Variants in FAM13A observed in about 807,000 individuals in gnomAD.
FAM13A encodes the protein family with sequence similarity 13 member A, also known as protein FAM13A.
FAM13A carries 76 observed loss-of-function variants against 129.6 expected under a neutral mutation model. That is an observed-to-expected ratio of 0.59 (90% CI 0.49 to 0.71). FAM13A has a LOEUF of 0.71. Ranked by LOEUF, FAM13A falls within the 30% of genes least tolerant of loss-of-function variation. The pLI, the probability that FAM13A is intolerant of heterozygous loss-of-function variation, is 0.00. For missense variants in FAM13A, 1,108 were observed against 1,249.3 expected (o/e 0.89, Z 1.70); for synonymous variants, 443 against 449.9 (o/e 0.98, Z 0.20).
At chr4:88,796,992 TAAGAA>T (rs1490815209) in intron 8 of FAM13A, among the ~76,000 whole-genome samples, 2 of 152,050 alleles carry the variant, frequency 1.3e-5, no homozygotes, top group Non-Finnish European at 2.9e-5. Context: ...CCTAATAAAA[TAAGAA>T]AATAGACAAA....
At chr4:88,995,659 T>C (rs900205267) in intron 3 of FAM13A, among the ~76,000 whole-genome samples, 2 of 152,016 alleles carry the variant, frequency 1.3e-5, no homozygotes, top group Non-Finnish European at 2.9e-5. Flanking sequence ...ACTTTTGAGG[T>C]TTTGGGACTC....
intron 19 of FAM13A, among the ~76,000 whole-genome samples, chr4:88,743,380 G>A (rs189263538): frequency 2.0e-5 from 3 of 152,292 alleles, no homozygotes; most frequent in Admixed American, 2.0e-4. Context: ...TTTAGTTGCT[G>A]TTACCTGACA....
chr4:88,871,059 C>T (rs1430656736), intron 6 of FAM13A, among the ~76,000 whole-genome samples: 2 of 152,222 alleles, frequency 1.3e-5, no homozygotes, highest in Non-Finnish European at 2.9e-5. Flanking sequence ...AGGGACCTGA[C>T]TGTTAGAAGG....
intron 5 of FAM13A, among the ~76,000 whole-genome samples, chr4:88,930,758 TG>T (rs1561368253): frequency 6.6e-6 from 1 of 152,070 alleles, no homozygotes; most frequent in African/African-American, 2.4e-5. Context: ...TGAAGTGGTA[TG>T]GGTGATGGCA....
At chr4:88,941,724 G>T (rs752880690) in intron 4 of FAM13A, among the ~76,000 whole-genome samples, 1 of 152,130 alleles carries the variant, frequency 6.6e-6, no homozygotes, top group Non-Finnish European at 1.5e-5. Context: ...TGAGAATCCT[G>T]TGTAAGTTCC....
chr4:88,793,048 G>A (rs558187493), intron 8 of FAM13A, among the ~76,000 whole-genome samples: 10 of 152,106 alleles, frequency 6.6e-5, no homozygotes, highest in African/African-American at 2.4e-4. Flanking sequence ...TCTTGGGAAG[G>A]GGAAGCTGAG....
intron 18 of FAM13A, 140 bp from the exon 19 acceptor site, chr4:88,747,155 A>G: frequency 1.6e-6 from 1 of 626,246 alleles, no homozygotes; most frequent in Non-Finnish European, 2.8e-6. Context: ...AAGTTCATTT[A>G]AAAATGGGTT....
At chr4:88,998,933 T>C (rs970025106) in intron 3 of FAM13A, among the ~76,000 whole-genome samples, 2 of 152,194 alleles carry the variant, frequency 1.3e-5, no homozygotes, top group African/African-American at 2.4e-5. Context: ...AGGCCTCACG[T>C]AAATTTCTCA....
intron 8 of FAM13A, among the ~76,000 whole-genome samples, chr4:88,796,465 T>G (rs1035733515): frequency 6.6e-6 from 1 of 151,784 alleles, no homozygotes; most frequent in Non-Finnish European, 1.5e-5. Context: ...GGTGCTCATT[T>G]ATTTGAAATC....
chr4:88,926,518 A>G (rs925402598), intron 5 of FAM13A, among the ~76,000 whole-genome samples: 5 of 152,202 alleles, frequency 3.3e-5, no homozygotes, highest in Admixed American at 3.3e-4. Context: ...CGTCTTCATA[A>G]GCAAAAGCAA....
At chr4:88,750,057 G>A (rs1742242675) in intron 15 of FAM13A, 148 bp from the exon 16 acceptor site, 1 of 739,686 alleles carries the variant, frequency 1.4e-6, no homozygotes, top group Non-Finnish European at 2.2e-6. Context: ...TTGAATAAAA[G>A]ACACTTGAGT....
chr4:88,822,370 T>TA (rs1732158010), intron 7 of FAM13A, among the ~76,000 whole-genome samples: 1 of 152,188 alleles, frequency 6.6e-6, no homozygotes, highest in Non-Finnish European at 1.5e-5. Flanking sequence ...CCACAATCTA[T>TA]ATTATAATCA....
At chr4:88,870,324 C>T (rs1224197843) in intron 6 of FAM13A, among the ~76,000 whole-genome samples, 3 of 152,184 alleles carry the variant, frequency 2.0e-5, no homozygotes, top group African/African-American at 7.2e-5. Context: ...TGAAGCAGGG[C>T]AGGGCATCGC....
intron 8 of FAM13A, among the ~76,000 whole-genome samples, chr4:88,804,414 A>C (rs2149741967): frequency 6.6e-6 from 1 of 152,332 alleles, no homozygotes; most frequent in East Asian, 1.9e-4. Flanking sequence ...TGCAATAAGG[A>C]AGACTTGATT....
At chr4:88,751,520 T>G (rs1378014800) in intron 14 of FAM13A, among the ~76,000 whole-genome samples, 1 of 152,096 alleles carries the variant, frequency 6.6e-6, no homozygotes, top group Non-Finnish European at 1.5e-5. Flanking sequence ...AAGACTCCAG[T>G]TAGAGTGAGA....
chr4:88,910,555 C>T (rs1748929312), intron 5 of FAM13A, among the ~76,000 whole-genome samples: 2 of 151,998 alleles, frequency 1.3e-5, no homozygotes, highest in Non-Finnish European at 2.9e-5. Flanking sequence ...TAATCACTAC[C>T]TCCCTCCTCT....
At chr4:88,874,474 C>T (rs1172337367) in intron 6 of FAM13A, among the ~76,000 whole-genome samples, 3 of 152,002 alleles carry the variant, frequency 2.0e-5, no homozygotes, top group African/African-American at 7.2e-5. Flanking sequence ...GCAAAAATCA[C>T]AAGCATTCCT....
At chr4:88,777,568 C>A (rs898527979) in intron 11 of FAM13A, among the ~76,000 whole-genome samples, 1 of 152,166 alleles carries the variant, frequency 6.6e-6, no homozygotes, top group Non-Finnish European at 1.5e-5. Context: ...TCTGAATTAT[C>A]TGTAGTTTCT....
At chr4:89,005,302 T>G (rs1764853742) in intron 3 of FAM13A, among the ~76,000 whole-genome samples, 1 of 152,244 alleles carries the variant, frequency 6.6e-6, no homozygotes, top group African/African-American at 2.4e-5. Flanking sequence ...ATATTTTCTT[T>G]ATCCAATCTG....
Sources: gnomAD v4.1 joint callset for allele counts (sites outside exome capture counted in the v4.1 genomes callset) on GRCh38, gnomAD v4.1.1 for gene constraint, MANE v1.5 for transcripts, NCBI Gene and HGNC (gene_info 2026-07-23, HGNC 2026-07-21) for gene names.